Variants in RECK observed in about 807,000 individuals in gnomAD.
RECK encodes the protein reversion-inducing cysteine-rich protein with Kazal motifs.
A neutral mutation model predicts 115.1 loss-of-function variants in RECK; 69 were observed. The observed-to-expected ratio is 0.60, with a 90% CI of 0.49 to 0.73. RECK has a LOEUF of 0.73. Among genes scored for constraint, RECK ranks in the 30% least tolerant of loss-of-function variants. RECK has a pLI of 0.00. For missense variants in RECK, 1,047 were observed against 1,203.7 expected, an observed-to-expected ratio of 0.87 and a Z score of 1.93; for synonymous variants, 414 against 419.7, an observed-to-expected ratio of 0.99 and a Z score of 0.17.
chr9:36,041,365 C>A (rs1820857190), intron 1 of RECK, among the ~76,000 whole-genome samples: 1 of 152,178 alleles, frequency 6.6e-6, no homozygotes, highest in Non-Finnish European at 1.5e-5. Context: ...GGGAGCTATA[C>A]TTTTAGATCC....
intron 2 of RECK, among the ~76,000 whole-genome samples, chr9:36,058,421 A>G (rs1821618417): frequency 7.5e-6 from 1 of 132,858 alleles, no homozygotes; most frequent in Non-Finnish European, 1.6e-5. Context: ...CAAACACCGC[A>G]TATTCTCACT....
chr9:36,065,377 A>G (rs544359101), intron 5 of RECK, among the ~76,000 whole-genome samples, 200 bp from the exon 6 acceptor site: 4 of 152,280 alleles, frequency 2.6e-5, no homozygotes, highest in Non-Finnish European at 5.9e-5. Context: ...GAGTAGCCCT[A>G]CAGATTATGT....
intron 6 of RECK, among the ~76,000 whole-genome samples, chr9:36,068,986 A>G (rs1822120698): frequency 6.6e-6 from 1 of 152,216 alleles, no homozygotes; most frequent in African/African-American, 2.4e-5. Flanking sequence ...ATGCTTGAGA[A>G]AAGGTAACAC....
chr9:36,108,063 A>T lies in RECK; in HGVS notation c.1664A>T (p.Tyr555Phe), dbSNP rs759067993. Reference sequence around the variant, plus strand: ...TCATCTGCAGGGGAAGTTGGTTGTTATAAAATCTGTTCATGTGGACAAAGT... The same window carrying T: ...TCATCTGCAGGGGAAGTTGGTTGTTTTAAAATCTGTTCATGTGGACAAAGT... Reference protein sequence around the residue: ...VPSSAGEVGCYKICSCGQSGL... With the variant: ...VPSSAGEVGCFKICSCGQSGL... The change falls in exon 14 of 21, where the codon TAT (tyrosine) becomes TTT (phenylalanine). Residue 555 changes from tyrosine (Y) to phenylalanine (F), a missense_variant. Transcript: ENST00000377966. The T allele has an allele frequency of 6.2e-7, 1 of 1,614,072 alleles. No homozygotes were observed. Among genetic ancestry groups the T allele is most frequent in the Non-Finnish European group, 8.5e-7 (1 of 1,179,908 alleles).
intron 12 of RECK, among the ~76,000 whole-genome samples, chr9:36,102,752 G>A (rs1017112294): frequency 6.6e-6 from 1 of 151,872 alleles, no homozygotes; most frequent in Non-Finnish European, 1.5e-5. Context: ...TCAGGGGATC[G>A]AGACCATCCT....
intron 1 of RECK, among the ~76,000 whole-genome samples, chr9:36,047,312 T>C (rs1370625942): frequency 6.6e-6 from 1 of 152,120 alleles, no homozygotes; most frequent in Non-Finnish European, 1.5e-5. Flanking sequence ...AGAGGAGTTG[T>C]TATAAGAAAG....
chr9:36,104,312 ATATATATATATATAT>A (rs1823693416), intron 12 of RECK, among the ~76,000 whole-genome samples: 1 of 66,086 alleles, frequency 1.5e-5, no homozygotes, highest in Non-Finnish European at 2.5e-5. Flanking sequence ...ATATATATAT[ATATATATATATATAT>A]TTTTTTTTTT....
At chr9:36,065,871 A>G (rs1821976832) in intron 6 of RECK, among the ~76,000 whole-genome samples, 1 of 152,172 alleles carries the variant, frequency 6.6e-6, no homozygotes, top group Non-Finnish European at 1.5e-5. Context: ...TTAACCTATA[A>G]TATTTTTATA....
At chr9:36,108,217 T>A in intron 14 of RECK, 53 bp downstream of exon 14, 2 of 1,326,598 alleles carry the variant, frequency 1.5e-6, no homozygotes, top group South Asian at 1.4e-5. Flanking sequence ...TATTTTTACT[T>A]TGTAGGAAGA....
intron 6 of RECK, among the ~76,000 whole-genome samples, chr9:36,077,142 G>T (rs1436142382): frequency 6.6e-6 from 1 of 152,184 alleles, no homozygotes; most frequent in African/African-American, 2.4e-5. Flanking sequence ...ATGAGTAGGG[G>T]AGGGAGAGGG....
chr9:36,100,996 C>G (rs1227792809), intron 11 of RECK, among the ~76,000 whole-genome samples: 1 of 150,158 alleles, frequency 6.7e-6, no homozygotes, highest in African/African-American at 2.5e-5. Flanking sequence ...GAGATGGAGT[C>G]TCACTCTGTC....
chr9:36,081,414 G>A (rs1822684770), intron 7 of RECK, among the ~76,000 whole-genome samples: 1 of 152,136 alleles, frequency 6.6e-6, no homozygotes, highest in Non-Finnish European at 1.5e-5. Context: ...CCAGCTGAAT[G>A]GAGGAATCAG....
intron 6 of RECK, among the ~76,000 whole-genome samples, chr9:36,073,219 CAG>C (rs1341042824): frequency 3.5e-5 from 5 of 141,084 alleles, no homozygotes; most frequent in Non-Finnish European, 7.6e-5. Context: ...CAGCAACACA[CAG>C]ACACACACAG....
In RECK at chr9:36,075,349, G is replaced by A. The variant is rs538584410; in HGVS notation, c.406-5256G>A. Among the ~76,000 whole-genome samples the A allele has an allele frequency of 2.0e-5, 3 of 152,298 alleles. No homozygotes were observed. The South Asian group carries it at 6.2e-4, about 32-fold the overall frequency. ...AGTGAATTTGCTTCCAGCTGGTTGG[G>A]TGCCCTGTGGTGATAATGAGCAAAT... On this transcript the variant is annotated intron_variant, in intron 6 of 20. Coordinates refer to ENST00000377966, the MANE Select transcript of RECK (RefSeq NM_021111.3).
intron 1 of RECK, among the ~76,000 whole-genome samples, chr9:36,046,729 A>G (rs1173457706): frequency 1.3e-5 from 2 of 152,226 alleles, no homozygotes; most frequent in African/African-American, 2.4e-5. Context: ...CAAAATGTCA[A>G]CAGATGTTGT....
chr9:36,112,537 A>G (rs1824098478), intron 16 of RECK, 61 bp downstream of exon 16: 2 of 1,514,520 alleles, frequency 1.3e-6, no homozygotes, highest in African/African-American at 1.4e-5. Context: ...AGCATCTACC[A>G]TATACCAGAC....
chr9:36,099,873 G>A (rs985366939), intron 10 of RECK, among the ~76,000 whole-genome samples: 2 of 152,132 alleles, frequency 1.3e-5, no homozygotes, highest in African/African-American at 4.8e-5. Context: ...TAACTCAACA[G>A]TGGCACAAGG....
intron 10 of RECK, among the ~76,000 whole-genome samples, chr9:36,095,501 C>G (rs904887432): frequency 6.6e-6 from 1 of 152,150 alleles, no homozygotes; most frequent in South Asian, 2.1e-4. Flanking sequence ...ATACCAAAAC[C>G]GACATGGACA....
chr9:36,123,029 T>C lies in RECK; in HGVS notation c.2900T>C (p.Leu967Pro), dbSNP rs374233309. ...AGCTTGGGCCTTGCCTTGCACTTGC[T>C]CTGGACATATAACTGACTGCCCACG... Reference protein sequence around the residue: ...PLSLGLALHLLWTYN With the variant: ...PLSLGLALHLPWTYN Residue 967 changes from leucine to proline, a missense_variant, in exon 21 of 21, where the codon CTC becomes CCC. Coordinates refer to ENST00000377966, the MANE Select transcript of RECK (RefSeq NM_021111.3). 1.9e-5 allele frequency: 31 copies of C among 1,613,824 alleles called. No homozygotes were observed. The highest frequency in any genetic ancestry group is 2.5e-5 in the Non-Finnish European group (30 of 1,179,900).
Sources: gnomAD v4.1 joint callset for allele counts (sites outside exome capture counted in the v4.1 genomes callset) on GRCh38, gnomAD v4.1.1 for gene constraint, MANE v1.5 for transcripts, NCBI Gene and HGNC (gene_info 2026-07-23, HGNC 2026-07-21) for gene names.